Variants in C9orf50 observed in about 807,000 individuals in gnomAD.
The protein encoded by C9orf50 is uncharacterized protein C9orf50.
In C9orf50, 33 loss-of-function variants were observed where a neutral mutation model predicts 42.5. The observed-to-expected ratio is 0.78, with a 90% confidence interval of 0.59 to 1.04. The LOEUF (loss-of-function observed/expected upper bound fraction) is 1.04, where lower values mean the gene tolerates loss of function less well. C9orf50 is among the 50% of genes least tolerant of loss of function. The pLI is 0.00. For missense variants in C9orf50, 547 were observed against 594.3 expected (o/e 0.92, Z 0.83); for synonymous variants, 257 against 273.4 (o/e 0.94, Z 0.59).
In C9orf50 at chr9:129,613,128, G is replaced by C; in HGVS notation, c.1167C>G (p.Asp389Glu). Residue 389 changes from aspartate (D) to glutamate (E), a missense_variant, in exon 6 of 7, where the codon GAC (aspartate) becomes GAG (glutamate). Asp to Glu is a conservative substitution (Grantham distance 45). Coordinates refer to ENST00000372478, the Ensembl canonical transcript of C9orf50. This position sits in a 1 kb window ranked among gnomAD's most constrained non-coding sequence, Gnocchi z 6.2. ...CCACCTGCTCCAGGTTTCTGTGCGG[G>C]TCCAAGAAGGCTCGGAGGCTGCTTC... 6.2e-7 allele frequency: 1 copy of C among 1,613,914 alleles called. No homozygotes were observed. The highest frequency in any genetic ancestry group is 8.5e-7 in the Non-Finnish European group (1 of 1,180,008).
At chr9:129,612,528 T>A in intron 6 of C9orf50, 74 bp from the exon 7 acceptor site, 1 of 1,173,820 alleles carries the variant, frequency 8.5e-7, no homozygotes, top group Non-Finnish European at 1.2e-6. Context: ...AGTGGGATTC[T>A]GTGCTGAAGC....
At chr9:129,621,084 G>A (rs1830686562), upstream of C9orf50, among the ~76,000 whole-genome samples, 3 of 152,220 alleles carry the variant, frequency 2.0e-5, no homozygotes, top group Admixed American at 2.0e-4. Context: ...CGGCATCACC[G>A]CATCACCGCT....
chr9:129,612,407 G>A, exon 7 of C9orf50: 1 of 1,612,852 alleles, frequency 6.2e-7, no homozygotes, highest in South Asian at 1.1e-5. Context: ...CCTTAGGGCA[G>A]CCTTGCTTCA....
Position 129,613,109 on chromosome 9 carries a change from G to A in C9orf50, c.1186C>T (p.Gln396Ter), listed in dbSNP as rs372791162. ...CAGGAGCAAGACCATTTGCCCACCT[G>A]CTCCAGGTTTCTGTGCGGGTCCAAG... Residue 396 changes from glutamine (Q) to a stop codon, truncating the protein, a stop_gained and splice_region_variant, in exon 6 of 7, where the codon CAG (glutamine) becomes TAG (stop). Coordinates refer to ENST00000372478, the Ensembl canonical transcript of C9orf50. LOFTEE classifies it low-confidence loss of function (END_TRUNC). This position sits in a 1 kb window ranked among gnomAD's most constrained non-coding sequence, Gnocchi z 6.2. 4.3e-6 allele frequency: 7 copies of A among 1,613,714 alleles called. No homozygotes were observed. The highest frequency in any genetic ancestry group is 5.9e-6 in the Non-Finnish European group (7 of 1,180,028).
rs907436154 is a variant in C9orf50, at chr9:129,612,343, G to A, written c.*4C>T. 4 of 1,612,532 alleles carry A rather than the reference G, an allele frequency of 2.5e-6. 1 individual carries two copies. The highest frequency in any genetic ancestry group is 2.5e-6 in the Non-Finnish European group (3 of 1,178,954). ...TGTGCCCCTGGCCTTGGGTTCGCGA[G>A]TGTTCACCTCTTATCTGGCTGCAGT... On this transcript the variant is annotated 3_prime_UTR_variant, in exon 7 of 7. Transcript: ENST00000372478.
In C9orf50 at chr9:129,620,622, G is replaced by A; in HGVS notation, c.-48C>T. On this transcript the variant is annotated 5_prime_UTR_variant, in exon 1 of 7. Transcript: ENST00000372478. The surrounding 1 kb of genome is among the most constrained non-coding windows in gnomAD (Gnocchi z 5.8). ...CCGCACCCTCAGCGCGCGTGGGTGG[G>A]GGGCGCCGGCTGAGGTGGGGAGGGC... 1 of 1,292,370 alleles carries A rather than the reference G, an allele frequency of 7.7e-7. No homozygotes were observed. The highest frequency in any genetic ancestry group is 9.8e-7 in the Non-Finnish European group (1 of 1,019,846). 80.1% of individuals were successfully genotyped at this position (1,292,370 alleles called of 1,614,324 possible).
intron 3 of C9orf50, among the ~76,000 whole-genome samples, 185 bp from the exon 4 acceptor site, chr9:129,615,832 C>T (rs879716349): frequency 2.6e-5 from 4 of 152,220 alleles, no homozygotes; most frequent in South Asian, 4.1e-4. Context: ...GGCTCAAGCA[C>T]GCACATACAC....
At chr9:129,618,017 T>G (rs116290631) in intron 3 of C9orf50, among the ~76,000 whole-genome samples, 1,856 of 152,300 alleles carry the variant, frequency 0.012, 40 homozygotes, top group African/African-American at 0.041. Context: ...CCCTGATCCA[T>G]CAGGAGTATC....
rs1657279377 is a variant in C9orf50 at position 129,620,074 on chromosome 9, C to T, written c.501G>A (p.Glu167=). ...GGCCCCGCGGGGCCTCACTCAGTGG[C>T]TCCGGCTCCTCGGCGCACTTCTCCT... Residue 167 remains glutamate (E), a synonymous_variant, in exon 1 of 7, where the codon GAG becomes GAA. Transcript: ENST00000372478. This position sits in a 1 kb window ranked among gnomAD's most constrained non-coding sequence, Gnocchi z 5.8. 1 of 1,452,216 alleles carries T rather than the reference C, an allele frequency of 6.9e-7. No individual in the cohort carries two copies. The highest frequency in any genetic ancestry group is 2.8e-5 in the Admixed American group (1 of 35,182). The allele number at this position is 1,452,216 out of a possible 1,614,324, so 90.0% of individuals were successfully genotyped here.
chr9:129,618,239 C>T lies in C9orf50; in HGVS notation c.716+1281G>A, dbSNP rs548572622. On this transcript the variant is annotated intron_variant, in intron 3 of 6. Transcript: ENST00000372478. ...AACCTGGAGGAACTGTTTCTGTCTT[C>T]TTTTCCTCCTCTGTTAAAACTATGG... Among the ~76,000 whole-genome samples, 227 of 152,340 alleles carry T rather than the reference C, an allele frequency of 1.5e-3. 1 individual carries two copies. Among genetic ancestry groups the T allele is most frequent in the African/African-American group, 5.3e-3 (220 of 41,570 alleles).
intron 2 of C9orf50, 30 bp from the exon 3 acceptor site, chr9:129,619,666 G>A: frequency 6.2e-7 from 1 of 1,609,890 alleles, no homozygotes; most frequent in Non-Finnish European, 8.5e-7. Flanking sequence ...CATCTGGCAT[G>A]AGTGGCCAGG....
chr9:129,619,482 TCCTCCACTACCCTACCCTTATC>T lies in C9orf50; in HGVS notation c.716+16_716+37del. On this transcript the variant is annotated intron_variant, in intron 3 of 6. Coordinates refer to ENST00000372478, the Ensembl canonical transcript of C9orf50. ...AGAAAGAAGGAAAGAAATGCCCCTT[TCCTCCACTACCCTACCCTTATC>T]CCGCCCATCACTCACTGGTTGGCCT... 1 of 1,445,702 alleles carries T rather than the reference TCCTCCACTACCCTACCCTTATC, an allele frequency of 6.9e-7. No homozygotes were observed. The highest frequency in any genetic ancestry group is 9.5e-7 in the Non-Finnish European group (1 of 1,047,164). The allele number at this position is 1,445,702 out of a possible 1,614,324, so 89.6% of individuals were successfully genotyped here.
rs528704776 is a variant in C9orf50, at chr9:129,613,027, C to T, written c.1188+80G>A. 2.0e-5 allele frequency: 31 copies of T among 1,578,044 alleles called. No homozygotes were observed. In the African/African-American group the frequency reaches 3.6e-4, roughly 19 times the overall value. On this transcript the variant is annotated intron_variant, in intron 6 of 6. Coordinates refer to ENST00000372478, the Ensembl canonical transcript of C9orf50. This position sits in a 1 kb window ranked among gnomAD's most constrained non-coding sequence, Gnocchi z 6.2. ...TCCACTCCCAGCCCCAGCCACTCCA[C>T]CAAACAGGGCTGCTCCCGGAGCCAG...
rs551125031 is a variant in C9orf50 at position 129,615,485 on chromosome 9, T to G, written c.879A>C (p.Ser293=). The stretch of plus-strand genomic sequence containing the variant: ...AGGCTCCCCATCCTGTCTGCTTACC[T>G]GAGCGTCTGCGCTCCCAGTAGCGGA... Residue 293 remains serine (S), a splice_region_variant and synonymous_variant, in exon 4 of 7, where the codon TCA becomes TCC. Transcript: ENST00000372478. The G allele has an allele frequency of 6.9e-6, 11 of 1,589,402 alleles. No individual in the cohort carries two copies. In the South Asian group the frequency reaches 1.3e-4, roughly 18 times the overall value.
In C9orf50 at chr9:129,620,254, C is replaced by A; in HGVS notation, c.321G>T (p.Ser107=). ...GCGCCGATTCCCGGGACGCGCCGGC[C>A]GACAGCAGGGGAGGCGGCAGCAGGG... Residue 107 remains serine (S), a synonymous_variant, in exon 1 of 7, where the codon TCG becomes TCT. Coordinates refer to ENST00000372478, the Ensembl canonical transcript of C9orf50. The surrounding 1 kb of genome is among the most constrained non-coding windows in gnomAD (Gnocchi z 5.8). The A allele has an allele frequency of 7.5e-7, 1 of 1,337,158 alleles. No individual in the cohort carries two copies. The highest frequency in any genetic ancestry group is 2.0e-5 in the South Asian group (1 of 49,084). 82.8% of individuals were successfully genotyped at this position (1,337,158 alleles called of 1,614,324 possible).
At position 129,613,425 on chromosome 9, in the gene C9orf50, G is replaced by A; in HGVS notation, c.1043+10C>T. On this transcript the variant is annotated intron_variant, in intron 5 of 6. Coordinates refer to ENST00000372478, the Ensembl canonical transcript of C9orf50. The surrounding 1 kb of genome is among the most constrained non-coding windows in gnomAD (Gnocchi z 6.2). Reference sequence around the variant, plus strand: ...GTCCACGAGTCCCATCCGCTTCCCTGGAGCCTCACAGGCCAGCGCAGTCCC... The same window carrying A: ...GTCCACGAGTCCCATCCGCTTCCCTAGAGCCTCACAGGCCAGCGCAGTCCC... 6.2e-7 allele frequency: 1 copy of A among 1,612,654 alleles called. No individual in the cohort carries two copies. Among genetic ancestry groups the A allele is most frequent in the Non-Finnish European group, 8.5e-7 (1 of 1,179,176 alleles).
chr9:129,621,894 G>T (rs187341272), upstream of C9orf50, among the ~76,000 whole-genome samples: 7 of 152,278 alleles, frequency 4.6e-5, no homozygotes, highest in East Asian at 1.4e-3. Flanking sequence ...CAGGCAGGCT[G>T]TAGAGCCCAT....
At chr9:129,619,390 C>T in intron 3 of C9orf50, 130 bp downstream of exon 3, 1 of 709,998 alleles carries the variant, frequency 1.4e-6, no homozygotes, top group Non-Finnish European at 2.4e-6. Context: ...CACGGACAGC[C>T]ATATGTAAGG....
rs1431281505 is a variant in C9orf50 at position 129,620,132 on chromosome 9, G to C, written c.443C>G (p.Pro148Arg). 1.4e-6 allele frequency: 2 copies of C among 1,458,342 alleles called. No homozygotes were observed. The highest frequency in any genetic ancestry group is 5.6e-5 in the Admixed American group (2 of 35,690). The allele number at this position is 1,458,342 out of a possible 1,614,324, so 90.3% of individuals were successfully genotyped here. The stretch of plus-strand genomic sequence containing the variant: ...GTGCAGGAACTCACGGAACCTGCTG[G>C]GGAGGAGCTCTCCTAGGAAGGCGCC... The change falls in exon 1 of 7, where the codon CCC becomes CGC. Residue 148 changes from proline (P) to arginine (R), a missense_variant. By Grantham distance (103) the Pro-to-Arg change is moderately radical. Coordinates refer to ENST00000372478, the Ensembl canonical transcript of C9orf50. This position sits in a 1 kb window ranked among gnomAD's most constrained non-coding sequence, Gnocchi z 5.8.
Sources: gnomAD v4.1 joint callset for allele counts (sites outside exome capture counted in the v4.1 genomes callset) on GRCh38, gnomAD v4.1.1 for gene constraint, Gnocchi (gnomAD v3.1) non-coding constraint, MANE v1.5 for transcripts, NCBI Gene and HGNC (gene_info 2026-07-23, HGNC 2026-07-21) for gene names.